Variants in C5orf34 observed in about 807,000 individuals in gnomAD.
C5orf34 encodes uncharacterized protein C5orf34.
In C5orf34, 73 loss-of-function variants were observed where a neutral mutation model predicts 78.4. The observed-to-expected ratio is 0.93, with a 90% confidence interval of 0.77 to 1.13. C5orf34 has a LOEUF of 1.13. Ranked by LOEUF, C5orf34 falls within the 50% of genes most tolerant of loss-of-function variation. C5orf34 has a pLI of 0.00. For missense variants in C5orf34, 730 were observed against 732.7 expected (o/e 1.00, Z 0.04); for synonymous variants, 251 against 246.6 (o/e 1.02, Z -0.17).
At chr5:43,501,688 A>C (rs1745766671) in intron 6 of C5orf34, among the ~76,000 whole-genome samples, 1 of 152,214 alleles carries the variant, frequency 6.6e-6, no homozygotes, top group African/African-American at 2.4e-5. Flanking sequence ...CTCAATTTTT[A>C]ACTCTATTCC....
Sources: allele counts gnomAD v4.1 joint callset (sites outside exome capture counted in the v4.1 genomes callset), GRCh38; gene constraint gnomAD v4.1.1; transcripts MANE v1.5; gene names NCBI Gene and HGNC (gene_info 2026-07-23, HGNC 2026-07-21).